DOCK3: variants seen among roughly 807,000 people sequenced by gnomAD.
The protein encoded by DOCK3 is dedicator of cytokinesis protein 3.
Under a neutral mutation model 265.6 loss-of-function variants are expected in DOCK3, and 60 were observed. The observed-to-expected ratio is 0.23, with a 90% CI of 0.18 to 0.28. DOCK3 has a LOEUF of 0.28. Among genes scored for constraint, DOCK3 ranks in the 10% least tolerant of loss-of-function variants. The pLI is 1.00. For missense variants in DOCK3, 1,981 were observed against 2,594.3 expected, an observed-to-expected ratio of 0.76 and a Z score of 5.14; for synonymous variants, 881 against 938.0, an observed-to-expected ratio of 0.94 and a Z score of 1.11.
intron 1 of DOCK3, among the ~76,000 whole-genome samples, chr3:50,692,692 C>T (rs919529605): frequency 6.6e-6 from 1 of 152,136 alleles, no homozygotes; most frequent in Non-Finnish European, 1.5e-5. Flanking sequence ...TGCCTTTTCA[C>T]TGTGTTGATG....
chr3:51,224,752 C>T (rs1272507294), intron 14 of DOCK3, among the ~76,000 whole-genome samples: 1 of 151,388 alleles, frequency 6.6e-6, no homozygotes, highest in Non-Finnish European at 1.5e-5. Flanking sequence ...TTTTTTAAGT[C>T]AGAAGCCCTT....
chr3:50,951,683 C>T (rs1331341997), intron 5 of DOCK3, among the ~76,000 whole-genome samples: 1 of 151,924 alleles, frequency 6.6e-6, no homozygotes, highest in Non-Finnish European at 1.5e-5. Context: ...GTTGTCAGTT[C>T]TCTCATAATT....
chr3:50,777,682 G>T (rs1485220261), intron 1 of DOCK3, among the ~76,000 whole-genome samples: 1 of 151,996 alleles, frequency 6.6e-6, no homozygotes, highest in Non-Finnish European at 1.5e-5. Flanking sequence ...TGCAGCTGTT[G>T]TAAAAGGGAT....
intron 1 of DOCK3, among the ~76,000 whole-genome samples, chr3:50,680,077 T>C (rs879460355): frequency 6.6e-6 from 1 of 152,200 alleles, no homozygotes; most frequent in Non-Finnish European, 1.5e-5. Flanking sequence ...TATTACACCG[T>C]GTCCTCTGAA....
At chr3:51,208,539 G>C (rs1560212468) in intron 12 of DOCK3, among the ~76,000 whole-genome samples, 1 of 152,142 alleles carries the variant, frequency 6.6e-6, no homozygotes, top group Non-Finnish European at 1.5e-5. Context: ...TCTGAGAGGA[G>C]GAATTTTGCC....
intron 3 of DOCK3, among the ~76,000 whole-genome samples, chr3:50,850,673 C>G (rs1467628340): frequency 6.6e-6 from 1 of 152,018 alleles, no homozygotes; most frequent in African/African-American, 2.4e-5. Flanking sequence ...CTTTCTTTCC[C>G]TATGATATTG....
chr3:51,301,522 C>G (rs1420665673), intron 27 of DOCK3, among the ~76,000 whole-genome samples: 2 of 152,052 alleles, frequency 1.3e-5, no homozygotes, highest in South Asian at 2.1e-4. Context: ...TGAGATCTTT[C>G]TAGCTTTTTG....
rs1559944326 is a variant in DOCK3 at position 51,016,575 on chromosome 3, TTA to T, written c.316-47865_316-47864del. ...TATATATCATATATTATATATATAT[TTA>T]TATATATCATATATTATATATGATA... On this transcript the variant is annotated intron_variant, in intron 5 of 52. Transcript: ENST00000266037. 1.2e-4 allele frequency among the ~76,000 whole-genome samples: 11 copies of T among 94,304 alleles called. No individual in the cohort carries two copies. The South Asian group carries it at 1.7e-3, about 15-fold the overall frequency. The allele number at this position is 94,304 out of a possible 152,430, so 61.9% of individuals were successfully genotyped here.
chr3:50,841,136 G>C (rs2107254626), intron 2 of DOCK3, among the ~76,000 whole-genome samples: 1 of 152,146 alleles, frequency 6.6e-6, no homozygotes, highest in East Asian at 1.9e-4. Context: ...TCTGAAAATT[G>C]TTTTTTGTTG....
At chr3:51,209,150 A>G (rs779742030) in intron 13 of DOCK3, among the ~76,000 whole-genome samples, 4 of 152,192 alleles carry the variant, frequency 2.6e-5, no homozygotes, top group Non-Finnish European at 4.4e-5. Context: ...GGTTTGTTAC[A>G]TTGTGAAGTC....
intron 22 of DOCK3, among the ~76,000 whole-genome samples, chr3:51,254,359 GAGTTCTATAAAT>G: frequency 6.6e-6 from 1 of 152,328 alleles, no homozygotes; most frequent in South Asian, 2.1e-4. Context: ...TTGGGGTGGA[GAGTTCTATAAAT>G]GTCTATTAGG....
chr3:50,699,716 T>C (rs1303609724), intron 1 of DOCK3, among the ~76,000 whole-genome samples: 2 of 152,204 alleles, frequency 1.3e-5, no homozygotes, highest in Non-Finnish European at 2.9e-5. Context: ...AAGGTTCTTT[T>C]ACTGCAGCGC....
At chr3:50,734,495 C>T (rs568939336) in intron 1 of DOCK3, among the ~76,000 whole-genome samples, 1 of 152,004 alleles carries the variant, frequency 6.6e-6, no homozygotes, top group African/African-American at 2.4e-5. Context: ...GAGCAAGACT[C>T]TGTCTCAAAA....
intron 1 of DOCK3, among the ~76,000 whole-genome samples, chr3:50,764,411 A>T (rs1225309253): frequency 6.6e-6 from 1 of 152,194 alleles, no homozygotes; most frequent in Non-Finnish European, 1.5e-5. Flanking sequence ...TAGGCATTAT[A>T]ACTAATCTAG....
intron 3 of DOCK3, among the ~76,000 whole-genome samples, chr3:50,853,238 A>T (rs574826066): frequency 1.3e-5 from 2 of 151,372 alleles, no homozygotes; most frequent in South Asian, 2.1e-4. Context: ...TCTTCACGAG[A>T]TCCACTTATT....
At chr3:51,294,367 C>T (rs147703102) in intron 27 of DOCK3, among the ~76,000 whole-genome samples, 1,743 of 152,160 alleles carry the variant, frequency 0.011, 42 homozygotes, top group African/African-American at 0.04. Context: ...ATCTCACTTA[C>T]GTGTAGAATC....
chr3:51,361,868 C>G lies in DOCK3; in HGVS notation c.5016C>G (p.Asn1672Lys). 1 of 1,613,046 alleles carries G rather than the reference C, an allele frequency of 6.2e-7. No individual in the cohort carries two copies. Among genetic ancestry groups the G allele is most frequent in the Non-Finnish European group, 8.5e-7 (1 of 1,179,404 alleles). The change falls in exon 48 of 53, where the codon AAC (asparagine) becomes AAG (lysine). Residue 1672 changes from asparagine to lysine, a missense_variant. Asn to Lys is a moderately conservative substitution (Grantham distance 94). Around this residue, in one of 4 missense-constraint regions of DOCK3, gnomAD observed 1,357 missense variants for 1,866.8 expected, o/e 0.73. Transcript: ENST00000266037. The surrounding 1 kb of genome is among the most constrained non-coding windows in gnomAD (Gnocchi z 4.2). ...CCACTCTTGCTCACAGCCCCATGAACTTGATGGGCACAGGCCGCCATTCAT... is the reference window on the plus strand; with the variant it reads ...CCACTCTTGCTCACAGCCCCATGAAGTTGATGGGCACAGGCCGCCATTCAT... ...IKMTHRHSPMNLMGTGRHSSS... is the reference protein window; with the variant it reads ...IKMTHRHSPMKLMGTGRHSSS...
At chr3:50,761,016 G>A (rs2040495540) in intron 1 of DOCK3, among the ~76,000 whole-genome samples, 1 of 151,530 alleles carries the variant, frequency 6.6e-6, no homozygotes, top group South Asian at 2.1e-4. Flanking sequence ...TCCTGACCTC[G>A]TGATCTGCCT....
chr3:51,046,548 A>G (rs996397798), intron 5 of DOCK3, among the ~76,000 whole-genome samples: 10 of 152,228 alleles, frequency 6.6e-5, no homozygotes, highest in Admixed American at 2.0e-4. Flanking sequence ...TAGAACAATT[A>G]TAAATATATA....
Sources: allele counts gnomAD v4.1 joint callset (sites outside exome capture counted in the v4.1 genomes callset), GRCh38; gene constraint gnomAD v4.1.1; regional missense constraint gnomAD v4.1.1; non-coding constraint Gnocchi (gnomAD v3.1); transcripts MANE v1.5; gene names NCBI Gene and HGNC (gene_info 2026-07-23, HGNC 2026-07-21).